NDUFA10: variants seen among roughly 807,000 people sequenced by gnomAD.
NDUFA10 encodes NADH:ubiquinone oxidoreductase subunit A10.
In NDUFA10, 40 loss-of-function variants were observed where a neutral mutation model predicts 47.8. The observed-to-expected ratio is 0.84, with a 90% CI of 0.65 to 1.09. The LOEUF (loss-of-function observed/expected upper bound fraction) is 1.09. Ranked by LOEUF, NDUFA10 falls within the 50% of genes least tolerant of loss-of-function variation. The probability of loss-of-function intolerance (pLI) is 0.00; values close to 1 mark genes in which losing one functional copy is unlikely to be tolerated. For missense variants in NDUFA10, 413 were observed against 451.1 expected (o/e 0.92, Z 0.76); for synonymous variants, 183 against 172.2 (o/e 1.06, Z -0.49).
Position 239,899,469 on chromosome 2 carries a change from A to T in NDUFA10, c.295-4155T>A, listed in dbSNP as rs1239457953. Among the ~76,000 whole-genome samples the T allele has an allele frequency of 2.4e-5, 3 of 123,458 alleles. 1 individual carries two copies. The highest frequency in any genetic ancestry group is 2.3e-4 in the Admixed American group (3 of 12,854). The allele number at this position is 123,458 out of a possible 152,430, so 81.0% of individuals were successfully genotyped here. On this transcript the variant is annotated intron_variant, in intron 4 of 5. Transcript: ENST00000419408. ...GGGTTGTGATGGAGGGGTGTGACGG[A>T]GGGGTGTGATGGAGAGGTGTGATGG...
chr2:239,993,482 G>C (rs1294106000), intron 8 of NDUFA10, among the ~76,000 whole-genome samples: 1 of 152,228 alleles, frequency 6.6e-6, no homozygotes, highest in Non-Finnish European at 1.5e-5. Flanking sequence ...GAAGGGCCTG[G>C]CAGATTGCCT....
intron 4 of NDUFA10, among the ~76,000 whole-genome samples, chr2:239,946,115 C>T (rs1192345651): frequency 2.0e-5 from 3 of 152,302 alleles, no homozygotes; most frequent in South Asian, 4.1e-4. Flanking sequence ...GTGTGTTCGG[C>T]CCCTGCTCCA....
At chr2:239,940,502 T>C (rs979839150) in intron 4 of NDUFA10, among the ~76,000 whole-genome samples, 15 of 152,230 alleles carry the variant, frequency 9.9e-5, no homozygotes, top group African/African-American at 3.6e-4. Context: ...GCCCAGCACA[T>C]CCAGCAATGC....
chr2:239,909,099 A>C (rs1693703570), intron 4 of NDUFA10, among the ~76,000 whole-genome samples: 1 of 152,136 alleles, frequency 6.6e-6, no homozygotes, highest in Non-Finnish European at 1.5e-5. Flanking sequence ...CCAAAGAAAT[A>C]ACAGTTCTTG....
intron 4 of NDUFA10, among the ~76,000 whole-genome samples, chr2:239,947,402 C>T (rs376851037): frequency 1.2e-4 from 18 of 152,358 alleles, no homozygotes; most frequent in Middle Eastern, 3.4e-3. Flanking sequence ...GCCTTCTGCA[C>T]GCCCCGCTGG....
At chr2:239,995,054 C>T (rs984967506) in intron 8 of NDUFA10, among the ~76,000 whole-genome samples, 1 of 152,158 alleles carries the variant, frequency 6.6e-6, no homozygotes, top group Non-Finnish European at 1.5e-5. Flanking sequence ...GCAGGCAGAT[C>T]ACTTGAGATT....
intron 4 of NDUFA10, among the ~76,000 whole-genome samples, chr2:239,942,300 C>T (rs1333755647): frequency 6.6e-6 from 1 of 152,234 alleles, no homozygotes; most frequent in African/African-American, 2.4e-5. Context: ...TGGGGCCCAC[C>T]CACCAGGGCG....
downstream of NDUFA10, among the ~76,000 whole-genome samples, chr2:239,955,377 G>A (rs1163899964): frequency 1.3e-5 from 2 of 152,180 alleles, no homozygotes; most frequent in Admixed American, 1.3e-4. Flanking sequence ...TTCTAGAGAA[G>A]GACCATTAGA....
intron 5 of NDUFA10, chr2:240,013,299 T>G (rs748434822): frequency 6.6e-6 from 1 of 152,232 alleles, no homozygotes; most frequent in African/African-American, 2.4e-5. Context: ...TGGGGTAATT[T>G]TACCTGATGA....
chr2:239,900,714 G>A (rs980378840), intron 4 of NDUFA10, among the ~76,000 whole-genome samples: 19 of 152,202 alleles, frequency 1.2e-4, no homozygotes, highest in African/African-American at 4.6e-4. Flanking sequence ...AAGTGGTCTG[G>A]CTAGAAGATC....
chr2:239,960,228 C>T lies in NDUFA10; in HGVS notation c.*890G>A. 1 of 985,482 alleles carries T rather than the reference C, an allele frequency of 1.0e-6. No homozygotes were observed. Among genetic ancestry groups the T allele is most frequent in the Non-Finnish European group, 1.2e-6 (1 of 830,004 alleles). 61.0% of individuals were successfully genotyped at this position (985,482 alleles called of 1,614,324 possible). On this transcript the variant is annotated 3_prime_UTR_variant, in exon 10 of 10. Coordinates refer to ENST00000252711, the MANE Select transcript of NDUFA10 (RefSeq NM_004544.4). ...GGAAAACCCACAGTTCAGTAGGACT[C>T]ACAACTGACAGCTTGATTCCTAAAC...
chr2:239,927,989 C>T (rs1032960519), intron 4 of NDUFA10, among the ~76,000 whole-genome samples: 3 of 152,150 alleles, frequency 2.0e-5, no homozygotes, highest in Admixed American at 2.0e-4. Context: ...ATTTCTTGTG[C>T]ATGTGTAGTC....
chr2:239,955,408 C>A (rs958449307), downstream of NDUFA10, among the ~76,000 whole-genome samples: 1 of 152,210 alleles, frequency 6.6e-6, no homozygotes, highest in African/African-American at 2.4e-5. Flanking sequence ...ATGGTCAGCG[C>A]TGGATTCTGT....
chr2:239,991,009 A>G (rs945878319), intron 8 of NDUFA10, among the ~76,000 whole-genome samples: 1 of 152,224 alleles, frequency 6.6e-6, no homozygotes, highest in Non-Finnish European at 1.5e-5. Context: ...TAAAAGCAGG[A>G]GACGTTTCTC....
intron 4 of NDUFA10, among the ~76,000 whole-genome samples, chr2:239,912,447 A>G (rs1693771643): frequency 1.3e-5 from 2 of 152,204 alleles, no homozygotes; most frequent in Admixed American, 1.3e-4. Context: ...GAGGGCAGAA[A>G]AGACACACTT....
intron 9 of NDUFA10, among the ~76,000 whole-genome samples, chr2:239,979,206 A>G (rs1305210972): frequency 6.6e-6 from 1 of 152,186 alleles, no homozygotes; most frequent in African/African-American, 2.4e-5. Context: ...AAGCCTTTAC[A>G]CCAAAGTTCC....
At chr2:239,933,357 G>C (rs1694209297) in intron 4 of NDUFA10, among the ~76,000 whole-genome samples, 1 of 152,070 alleles carries the variant, frequency 6.6e-6, no homozygotes, top group South Asian at 2.1e-4. Flanking sequence ...TGTCTCCTGG[G>C]GACATCCCAG....
At chr2:239,998,516 G>A (rs13388053) in intron 8 of NDUFA10, among the ~76,000 whole-genome samples, 19,703 of 140,896 alleles carry the variant, frequency 0.14, 1,332 homozygotes, top group East Asian at 0.27. Context: ...GCCTCCTTGC[G>A]AGGCTGGCCC....
intron 9 of NDUFA10, among the ~76,000 whole-genome samples, chr2:239,984,332 C>T (rs7559499): frequency 2.0e-5 from 3 of 152,046 alleles, no homozygotes; most frequent in African/African-American, 7.2e-5. Flanking sequence ...AAAATGGAAA[C>T]TGGATGTGAG....
Sources: gnomAD v4.1 joint callset for allele counts (sites outside exome capture counted in the v4.1 genomes callset) on GRCh38, gnomAD v4.1.1 for gene constraint, MANE v1.5 for transcripts, NCBI Gene and HGNC (gene_info 2026-07-23, HGNC 2026-07-21) for gene names.